The following AOX1 variants were observed in gnomAD, a reference collection of about 807,000 sequenced individuals.
AOX1 encodes the protein aldehyde oxidase 1.
Under a neutral mutation model 169.5 loss-of-function variants are expected in AOX1, and 153 were observed. That is an observed-to-expected ratio of 0.90 (90% CI 0.79 to 1.03). AOX1 has a LOEUF of 1.03. AOX1 is among the 50% of genes least tolerant of loss of function. The probability of loss-of-function intolerance (pLI) is 0.00; values close to 1 mark genes in which losing one functional copy is unlikely to be tolerated. For synonymous variants in AOX1, 562 were observed against 581.9 expected (o/e 0.97, Z 0.49); for missense variants, 1,656 against 1,663.9 (o/e 1.00, Z 0.08).
rs201867614 is a variant in AOX1, at chr2:200,620,633, G to T, written c.1705-17G>T. The T allele has an allele frequency of 1.4e-4, 203 of 1,490,936 alleles. No individual in the cohort carries two copies. In the African/African-American group the frequency reaches 2.7e-3, roughly 20 times the overall value. The allele number at this position is 1,490,936 out of a possible 1,614,324, so 92.4% of individuals were successfully genotyped here. ...CTATAGAAATGTAAAAGTATATTTT[G>T]GTTATTTATTAAACAGAATATAGGC... On this transcript the variant is annotated splice_polypyrimidine_tract_variant and intron_variant, in intron 16 of 34. Coordinates refer to ENST00000374700, the MANE Select transcript of AOX1 (RefSeq NM_001159.4).
At chr2:200,628,153 AT>A (rs1476385669) in intron 20 of AOX1, among the ~76,000 whole-genome samples, 1 of 152,060 alleles carries the variant, frequency 6.6e-6, no homozygotes, top group Non-Finnish European at 1.5e-5. Flanking sequence ...ACTCCCAAAT[AT>A]TTTTCACTCA....
At chr2:200,613,042 G>GAGAGAGAC (rs772143169) in intron 14 of AOX1, among the ~76,000 whole-genome samples, 25 of 151,556 alleles carry the variant, frequency 1.6e-4, no homozygotes, top group South Asian at 1.0e-3. Flanking sequence ...GAGAGAGAGA[G>GAGAGAGAC]AGACAGACAG....
chr2:200,594,888 A>G (rs1210578555), intron 2 of AOX1, among the ~76,000 whole-genome samples: 1 of 152,230 alleles, frequency 6.6e-6, no homozygotes, highest in Non-Finnish European at 1.5e-5. Context: ...TCCAAGCATT[A>G]TCTACAATTT....
chr2:200,586,191 G>A (rs2106360477), intron 1 of AOX1, 38 bp downstream of exon 1: 1 of 1,533,238 alleles, frequency 6.5e-7, no homozygotes, highest in Non-Finnish European at 8.8e-7. Context: ...CCAGACCTGC[G>A]GCCAGGGCCG....
intron 1 of AOX1, among the ~76,000 whole-genome samples, chr2:200,587,354 G>C (rs182164659): frequency 3.3e-5 from 5 of 152,162 alleles, no homozygotes; most frequent in Admixed American, 6.5e-5. Flanking sequence ...CCTGGTGCTC[G>C]TGTTGGTGCC....
chr2:200,628,409 G>T (rs2035048989), intron 20 of AOX1, among the ~76,000 whole-genome samples: 1 of 150,998 alleles, frequency 6.6e-6, no homozygotes, highest in Admixed American at 6.6e-5. Context: ...CAGAAAAAGA[G>T]GTTCATCATA....
intron 15 of AOX1, among the ~76,000 whole-genome samples, chr2:200,615,426 A>G (rs6730068): frequency 0.29 from 44,176 of 152,174 alleles, 6,971 homozygotes; most frequent in East Asian, 0.38. Context: ...GTAAAGAACC[A>G]AATGACTCAC....
At chr2:200,644,778 T>C (rs1445551304) in intron 25 of AOX1, among the ~76,000 whole-genome samples, 3 of 152,178 alleles carry the variant, frequency 2.0e-5, no homozygotes, top group Non-Finnish European at 4.4e-5. Flanking sequence ...TTCCTAAGTG[T>C]TTTATTATTA....
chr2:200,639,899 T>C (rs1574944350), intron 23 of AOX1, among the ~76,000 whole-genome samples: 3 of 151,986 alleles, frequency 2.0e-5, no homozygotes, highest in Admixed American at 2.0e-4. Context: ...TAGCCGGGCA[T>C]GGTGGCAGGC....
At chr2:200,640,537 T>C (rs1345970712) in intron 23 of AOX1, among the ~76,000 whole-genome samples, 1 of 152,220 alleles carries the variant, frequency 6.6e-6, no homozygotes, top group Admixed American at 6.5e-5. Flanking sequence ...CAAAATGCTA[T>C]GAAGAATACA....
chr2:200,651,061 G>T lies in AOX1; in HGVS notation c.2935G>T (p.Glu979Ter). 1.2e-6 allele frequency: 2 copies of T among 1,614,220 alleles called. No individual in the cohort carries two copies. The highest frequency in any genetic ancestry group is 2.7e-5 in the African/African-American group (2 of 75,068). Residue 979 changes from glutamate to a stop codon, truncating the protein, a stop_gained, in exon 26 of 35, where the codon GAA becomes TAA. Transcript: ENST00000374700. LOFTEE classifies it high-confidence loss of function. ...NAKNLIQCWR[E>*]CMAMSSYSLR... ...CAAGAACCTAATCCAGTGTTGGAGA[G>T]AATGTATGGCCATGTCTTCCTACTC...
chr2:200,634,658 GT>G (rs1327604592), intron 20 of AOX1, 132 bp from the exon 21 acceptor site: 16 of 1,103,854 alleles, frequency 1.4e-5, no homozygotes, highest in Non-Finnish European at 2.1e-5. Context: ...GCTAAACATT[GT>G]TGTTTGTTAT....
intron 10 of AOX1, among the ~76,000 whole-genome samples, chr2:200,606,094 C>A (rs1485465949): frequency 6.6e-6 from 1 of 152,136 alleles, no homozygotes; most frequent in Non-Finnish European, 1.5e-5. Context: ...CCTAGGTTTT[C>A]TTTTAGGGTA....
At chr2:200,667,410 T>C (rs1476390886) in intron 32 of AOX1, among the ~76,000 whole-genome samples, 2 of 151,904 alleles carry the variant, frequency 1.3e-5, no homozygotes, top group African/African-American at 2.4e-5. Flanking sequence ...TTCAGCTCAT[T>C]ACCTCTGATT....
intron 31 of AOX1, among the ~76,000 whole-genome samples, chr2:200,664,109 G>A (rs562595159): frequency 3.8e-5 from 5 of 131,940 alleles, no homozygotes; most frequent in Non-Finnish European, 7.9e-5. Context: ...TTCTTGCATA[G>A]AACTGATTTC....
intron 26 of AOX1, among the ~76,000 whole-genome samples, chr2:200,651,568 A>G (rs2035580557): frequency 6.6e-6 from 1 of 152,186 alleles, no homozygotes; most frequent in South Asian, 2.1e-4. Context: ...CTCCTCTTCC[A>G]GTGTCCGCAA....
At position 200,598,565 on chromosome 2, in the gene AOX1, A is replaced by G. The variant is rs145169998; in HGVS notation, c.310-1055A>G. ...CAAGACCATCCTGGCCAATGTAGTG[A>G]AACCCTGTCTCTACTAAAACTACAA... On this transcript the variant is annotated intron_variant, in intron 4 of 34. Coordinates refer to ENST00000374700, the MANE Select transcript of AOX1 (RefSeq NM_001159.4). Among the ~76,000 whole-genome samples, 254 of 152,216 alleles carry G rather than the reference A, an allele frequency of 1.7e-3. 2 individuals are homozygous for G. Among genetic ancestry groups the G allele is most frequent in the African/African-American group, 5.8e-3 (239 of 41,514 alleles).
chr2:200,642,857 C>T, intron 25 of AOX1, 56 bp downstream of exon 25: 1 of 1,511,334 alleles, frequency 6.6e-7, no homozygotes, highest in Non-Finnish European at 9.0e-7. Flanking sequence ...GACGGTAGGG[C>T]CTTTGGGGGC....
At chr2:200,640,972 T>A in intron 23 of AOX1, 126 bp from the exon 24 acceptor site, 1 of 640,012 alleles carries the variant, frequency 1.6e-6, no homozygotes. Context: ...TTATATACTA[T>A]CCGAGAAATC....
Sources: gnomAD v4.1 joint callset for allele counts (sites outside exome capture counted in the v4.1 genomes callset) on GRCh38, gnomAD v4.1.1 for gene constraint, MANE v1.5 for transcripts, NCBI Gene and HGNC (gene_info 2026-07-23, HGNC 2026-07-21) for gene names.